Variants in DACH2 observed in about 807,000 individuals in gnomAD.
DACH2 encodes the protein dachshund family transcription factor 2, also known as dachshund homolog 2.
DACH2 carries 17 observed loss-of-function variants against 35.8 expected under a neutral mutation model. That is an observed-to-expected ratio of 0.48 (90% CI 0.33 to 0.71). The LOEUF (loss-of-function observed/expected upper bound fraction) is 0.71. Ranked by LOEUF, DACH2 falls within the 30% of genes least tolerant of loss-of-function variation. DACH2 has a pLI of 0.02. For missense variants in DACH2, 469 were observed against 472.7 expected, an observed-to-expected ratio of 0.99 and a Z score of 0.07; for synonymous variants, 195 against 177.3, an observed-to-expected ratio of 1.10 and a Z score of -0.79.
intron 2 of DACH2, among the ~76,000 whole-genome samples, chrX:86,404,094 C>T (rs1010465286): frequency 9.0e-6 from 1 of 110,611 alleles, no homozygotes; most frequent in African/African-American, 3.3e-5. Flanking sequence ...CCTTTCACAA[C>T]ACGTTGGGAT....
At chrX:86,225,734 TTAAAATGAAA>T (rs1445595992) in intron 1 of DACH2, among the ~76,000 whole-genome samples, 1 of 111,003 alleles carries the variant, frequency 9.0e-6, no homozygotes, top group Non-Finnish European at 1.9e-5. Context: ...TTCTGGGTAG[TTAAAATGAAA>T]TAAAATGAGT....
At chrX:86,684,391 T>C (rs2040917713) in intron 4 of DACH2, among the ~76,000 whole-genome samples, 1 of 111,740 alleles carries the variant, frequency 8.9e-6, no homozygotes, top group African/African-American at 3.2e-5. Flanking sequence ...TGCTTTTTGG[T>C]TTAATTCATT....
chrX:86,302,558 A>G (rs993724343), intron 1 of DACH2, among the ~76,000 whole-genome samples: 1 of 111,092 alleles, frequency 9.0e-6, no homozygotes, highest in African/African-American at 3.3e-5. Context: ...TGGGAAGAAA[A>G]GGTTTGCTCT....
chrX:86,263,674 A>G (rs1382574188), intron 1 of DACH2, among the ~76,000 whole-genome samples: 1 of 111,643 alleles, frequency 9.0e-6, no homozygotes, highest in African/African-American at 3.3e-5. Flanking sequence ...CTGAATAAGA[A>G]TGTTTAGCTT....
chrX:86,728,057 G>GGTA lies in DACH2; in HGVS notation c.1105-11687_1105-11685dup, dbSNP rs763097360. On this transcript the variant is annotated intron_variant, in intron 6 of 11. Transcript: ENST00000373125. ...GGAACTTGTTAGAGACTGATTAAAT[G>GGTA]GTAGTGACCAAAATGCTGATGGTGA... 3.6e-5 allele frequency among the ~76,000 whole-genome samples: 4 copies of GGTA among 112,173 alleles called. No homozygotes were observed. The Admixed American group carries it at 3.8e-4, about 11-fold the overall frequency.
At position 86,155,447 on chromosome X, in the gene DACH2, G is replaced by A. The variant is rs763836946; in HGVS notation, c.488+6339G>A. Among the ~76,000 whole-genome samples the A allele has an allele frequency of 4.5e-5, 5 of 110,563 alleles. No homozygotes were observed. In the East Asian group the frequency reaches 1.4e-3, roughly 31 times the overall value. On this transcript the variant is annotated intron_variant, in intron 1 of 11. Coordinates refer to ENST00000373125, the MANE Select transcript of DACH2 (RefSeq NM_053281.3). ...GTTTAATTTCTTAAACTACAGAAACGCATATGGTCACCAAAAGGAACTTTG... is the reference window on the plus strand; with the variant it reads ...GTTTAATTTCTTAAACTACAGAAACACATATGGTCACCAAAAGGAACTTTG...
intron 4 of DACH2, among the ~76,000 whole-genome samples, chrX:86,662,771 A>AT (rs1226605694): frequency 2.7e-5 from 3 of 111,422 alleles, no homozygotes; most frequent in Non-Finnish European, 5.7e-5. Context: ...ATCTTCCTAG[A>AT]TTTTTTTCTC....
chrX:86,801,472 G>C (rs1343269), intron 7 of DACH2, among the ~76,000 whole-genome samples: 50,996 of 110,624 alleles, frequency 0.46, 8,699 homozygotes, highest in African/African-American at 0.61. Context: ...CACATACGTG[G>C]GTGTGCGTGA....
intron 7 of DACH2, among the ~76,000 whole-genome samples, chrX:86,795,547 G>T (rs1394829198): frequency 8.9e-6 from 1 of 112,412 alleles, no homozygotes; most frequent in African/African-American, 3.2e-5. Flanking sequence ...GTTCCTTAAG[G>T]TTATCCAAAG....
At chrX:86,407,939 C>T (rs771616046) in intron 2 of DACH2, among the ~76,000 whole-genome samples, 2 of 111,479 alleles carry the variant, frequency 1.8e-5, no homozygotes, top group African/African-American at 6.5e-5. Context: ...TATTATTTTT[C>T]TCTTTTTTTT....
In DACH2 at chrX:86,161,129, G is replaced by A. The variant is rs753269130; in HGVS notation, c.488+12021G>A. 1.3e-5 allele frequency: 15 copies of A among 1,129,165 alleles called. No homozygotes were observed. The African/African-American group carries it at 2.5e-4, about 19-fold the overall frequency. 93.1% of individuals were successfully genotyped at this position (1,129,165 alleles called of 1,213,427 possible). A position where few individuals can be genotyped will look rare whatever the true frequency, so the allele number is the denominator to read the frequency against. On this transcript the variant is annotated intron_variant, in intron 1 of 11. Transcript: ENST00000373125. ...TGTAGCCAATTTTCTTAATGTAAGTGCTGACTTCCTTAACGATTTCCTCAT... is the reference window on the plus strand; with the variant it reads ...TGTAGCCAATTTTCTTAATGTAAGTACTGACTTCCTTAACGATTTCCTCAT...
At chrX:86,365,416 C>T (rs897081194) in intron 1 of DACH2, among the ~76,000 whole-genome samples, 9 of 109,871 alleles carry the variant, frequency 8.2e-5, no homozygotes, top group African/African-American at 3.0e-4. Context: ...ATACAATCAT[C>T]TTTAGGGAAG....
At chrX:86,356,456 T>C (rs1232435329) in intron 1 of DACH2, among the ~76,000 whole-genome samples, 2 of 111,498 alleles carry the variant, frequency 1.8e-5, no homozygotes, top group African/African-American at 3.3e-5. Context: ...TAGTTTTAAG[T>C]TGGGTAATGT....
chrX:86,488,445 A>G (rs994024183), intron 2 of DACH2, among the ~76,000 whole-genome samples: 2 of 111,444 alleles, frequency 1.8e-5, no homozygotes, highest in Admixed American at 1.9e-4. Context: ...ATAACATAGC[A>G]TAGTGAGTCA....
chrX:86,653,553 A>G (rs2040503179), intron 4 of DACH2, among the ~76,000 whole-genome samples: 1 of 111,514 alleles, frequency 9.0e-6, no homozygotes, highest in Non-Finnish European at 1.9e-5. Context: ...CCTATTCAAG[A>G]ACATGAAATG....
chrX:86,240,437 G>GATTATTATT lies in DACH2; in HGVS notation c.488+91364_488+91372dup, dbSNP rs3034441. Reference sequence around the variant, plus strand: ...ATTCATCACCATGGTGGTTGTATCAGATTATTATTATTATTATTATTATTA... The same window carrying GATTATTATT: ...ATTCATCACCATGGTGGTTGTATCAGATTATTATTATTATTATTATTATTATTATTATTA... On this transcript the variant is annotated intron_variant, in intron 1 of 11. Transcript: ENST00000373125. Among the ~76,000 whole-genome samples the GATTATTATT allele has an allele frequency of 2.6e-3, 251 of 95,103 alleles. 1 individual carries two copies. Among genetic ancestry groups the GATTATTATT allele is most frequent in the African/African-American group, 7.9e-3 (200 of 25,472 alleles). 82.6% of individuals were successfully genotyped at this position (95,103 alleles called of 115,157 possible). A position where few individuals can be genotyped will look rare whatever the true frequency, so the allele number is the denominator to read the frequency against.
At chrX:86,690,187 C>T (rs763771198) in intron 4 of DACH2, among the ~76,000 whole-genome samples, 1 of 111,734 alleles carries the variant, frequency 8.9e-6, no homozygotes, top group South Asian at 3.7e-4. Context: ...TTATTTAGAA[C>T]CTTACTGCTG....
intron 3 of DACH2, among the ~76,000 whole-genome samples, chrX:86,639,616 C>T (rs1178814617): frequency 9.0e-6 from 1 of 111,361 alleles, no homozygotes; most frequent in East Asian, 2.8e-4. Flanking sequence ...ACCCACTGGC[C>T]CCACTTCCAA....
chrX:86,377,979 C>T (rs1419357477), intron 2 of DACH2, among the ~76,000 whole-genome samples: 1 of 110,382 alleles, frequency 9.1e-6, no homozygotes, highest in African/African-American at 3.3e-5. Flanking sequence ...GAGACTAAAA[C>T]CCACTAGATT....
Sources: allele counts gnomAD v4.1 joint callset (sites outside exome capture counted in the v4.1 genomes callset), GRCh38; gene constraint gnomAD v4.1.1; transcripts MANE v1.5; gene names NCBI Gene and HGNC (gene_info 2026-07-23, HGNC 2026-07-21).